TRIM36: variants seen among roughly 807,000 people sequenced by gnomAD.
The protein encoded by TRIM36 is tripartite motif containing 36.
In TRIM36, 42 loss-of-function variants were observed where a neutral mutation model predicts 72.4. The ratio of observed to expected loss-of-function variants is 0.58; its 90% CI spans 0.45 to 0.75. The LOEUF is 0.75. Ranked by LOEUF, TRIM36 falls within the 30% of genes least tolerant of loss-of-function variation. The pLI, the probability that TRIM36 is intolerant of heterozygous loss-of-function variation, is 0.00. For synonymous variants in TRIM36, 315 were observed against 282.8 expected (o/e 1.11, Z -1.14); for missense variants, 913 against 857.1 (o/e 1.07, Z -0.81).
chr5:115,141,170 A>T (rs1249679109), intron 5 of TRIM36, 109 bp downstream of exon 5: 7 of 772,616 alleles, frequency 9.1e-6, no homozygotes, highest in Non-Finnish European at 1.4e-5. Context: ...ATCTAACACA[A>T]CTTTGTATTC....
chr5:115,131,673 T>C (rs1391635489), intron 8 of TRIM36, among the ~76,000 whole-genome samples: 5 of 152,198 alleles, frequency 3.3e-5, no homozygotes, highest in African/African-American at 9.6e-5. Flanking sequence ...CATGGATAAA[T>C]TTGGATACAT....
At chr5:115,137,304 A>G in intron 6 of TRIM36, 59 bp downstream of exon 6, 1 of 1,549,134 alleles carries the variant, frequency 6.5e-7, no homozygotes, top group Non-Finnish European at 8.7e-7. Context: ...GTGAGAATAC[A>G]CAGCAGCATT....
intron 4 of TRIM36, among the ~76,000 whole-genome samples, chr5:115,143,690 A>C (rs1402826495): frequency 1.3e-5 from 2 of 152,234 alleles, no homozygotes; most frequent in Non-Finnish European, 2.9e-5. Flanking sequence ...CATACTGTTA[A>C]ACAGAGGAAA....
intron 8 of TRIM36, among the ~76,000 whole-genome samples, chr5:115,133,326 A>C (rs1990896): frequency 0.56 from 85,359 of 151,940 alleles, 24,329 homozygotes; most frequent in Middle Eastern, 0.64. Flanking sequence ...GGGGGCGATG[A>C]CTGGGCATAA....
At chr5:115,143,802 T>C (rs1484954010) in intron 4 of TRIM36, among the ~76,000 whole-genome samples, 2 of 152,224 alleles carry the variant, frequency 1.3e-5, no homozygotes, top group African/African-American at 4.8e-5. Context: ...GCTGCCTTTG[T>C]TGTTGATTAT....
At position 115,150,533 on chromosome 5, in the gene TRIM36, G is replaced by T. The variant is rs117634474; in HGVS notation, c.263-3139C>A. Among the ~76,000 whole-genome samples the T allele has an allele frequency of 7.4e-4, 113 of 152,294 alleles. 1 individual carries two copies. The East Asian group carries it at 0.02, about 27-fold the overall frequency. ...CAGAGGGATCATCACAAACTAGATT[G>T]AAGGACTATAACTAGAGGAAGGACT... On this transcript the variant is annotated intron_variant, in intron 2 of 9. Transcript: ENST00000513154.
intron 2 of TRIM36, among the ~76,000 whole-genome samples, chr5:115,158,961 C>T (rs1363047399): frequency 2.6e-5 from 4 of 152,136 alleles, no homozygotes; most frequent in Non-Finnish European, 5.9e-5. Flanking sequence ...AGTATTCTCC[C>T]ATGAAATAGA....
At chr5:115,141,227 G>A in intron 5 of TRIM36, 52 bp downstream of exon 5, 1 of 1,262,148 alleles carries the variant, frequency 7.9e-7, no homozygotes, top group Non-Finnish European at 1.1e-6. Context: ...ATGAATGAAT[G>A]TCTAGATAAA....
At chr5:115,139,855 G>C (rs1454389713) in intron 5 of TRIM36, among the ~76,000 whole-genome samples, 1 of 152,172 alleles carries the variant, frequency 6.6e-6, no homozygotes, top group Non-Finnish European at 1.5e-5. Context: ...TGACACCTAA[G>C]TTCCTCAATT....
At position 115,164,665 on chromosome 5, in the gene TRIM36, A is replaced by G. The variant is rs143923202; in HGVS notation, c.28-913T>C. ...TCTCCCTCAACACCTTGGGATTACA[A>G]TTCAAGATAAGATTTGAACCTAACC... On this transcript the variant is annotated intron_variant, in intron 1 of 9. Coordinates refer to ENST00000513154, the MANE Select transcript of TRIM36 (RefSeq NM_001300759.2). Among the ~76,000 whole-genome samples, 397 of 152,302 alleles carry G rather than the reference A, an allele frequency of 2.6e-3. 6 individuals are homozygous for G. The highest frequency in any genetic ancestry group is 9.2e-3 in the African/African-American group (383 of 41,556).
At chr5:115,149,324 G>A (rs1032901467) in intron 2 of TRIM36, 1 of 151,954 alleles carries the variant, frequency 6.6e-6, no homozygotes, top group Non-Finnish European at 1.5e-5. Flanking sequence ...ATGGTATGGT[G>A]CAGTGGTCAA....
Position 115,125,849 on chromosome 5 carries a change from C to T in TRIM36, c.*654G>A, listed in dbSNP as rs995757337. On this transcript the variant is annotated 3_prime_UTR_variant, in exon 10 of 10. Coordinates refer to ENST00000513154, the MANE Select transcript of TRIM36 (RefSeq NM_001300759.2). The stretch of plus-strand genomic sequence containing the variant: ...CCATGCTGTTAAATGAGTGTTATGG[C>T]TAAGCAGACTCTTAAAATGTCCTTA... The T allele has an allele frequency of 2.6e-5, 4 of 152,078 alleles. No individual in the cohort carries two copies. The highest frequency in any genetic ancestry group is 9.7e-5 in the African/African-American group (4 of 41,428). The allele number at this position is 152,078 out of a possible 1,614,324, so 9.4% of individuals were successfully genotyped here. A position where few individuals can be genotyped will look rare whatever the true frequency, so the allele number is the denominator to read the frequency against.
At chr5:115,144,544 G>A in intron 4 of TRIM36, 54 bp downstream of exon 4, 1 of 1,602,222 alleles carries the variant, frequency 6.2e-7, no homozygotes. Context: ...AAAAGTTAAA[G>A]GCATAAAGTA....
chr5:115,176,129 AAAAAAT>A (rs963496015), intron 1 of TRIM36, among the ~76,000 whole-genome samples: 5 of 152,212 alleles, frequency 3.3e-5, no homozygotes, highest in Admixed American at 6.5e-5. Flanking sequence ...GTGTCTCAAA[AAAAAAT>A]AAAAATAAAA....
chr5:115,173,522 A>ATGTGTGTGTG (rs57515389), upstream of TRIM36, among the ~76,000 whole-genome samples: 3 of 148,412 alleles, frequency 2.0e-5, no homozygotes, highest in African/African-American at 7.4e-5. Flanking sequence ...GTGTATTTGA[A>ATGTGTGTGTG]TGTGTGTGTG....
Position 115,125,517 on chromosome 5 carries a change from C to T in TRIM36, c.*986G>A, listed in dbSNP as rs1042750599. 5 of 151,944 alleles carry T rather than the reference C, an allele frequency of 3.3e-5. No individual in the cohort carries two copies. The highest frequency in any genetic ancestry group is 1.9e-4 in the East Asian group (1 of 5,192). The allele number at this position is 151,944 out of a possible 1,614,324, so 9.4% of individuals were successfully genotyped here. On this transcript the variant is annotated 3_prime_UTR_variant, in exon 10 of 10. Transcript: ENST00000513154. The stretch of plus-strand genomic sequence containing the variant: ...TTACAAAAATTTATAATATATGTAA[C>T]GCTACTAAAATATATAATGAACTTT...
In TRIM36 at chr5:115,136,994, A is replaced by C; in HGVS notation, c.1210+6T>G. 6.3e-7 allele frequency: 1 copy of C among 1,584,802 alleles called. No individual in the cohort carries two copies. Among genetic ancestry groups the C allele is most frequent in the Non-Finnish European group, 8.6e-7 (1 of 1,169,208 alleles). On this transcript the variant is annotated splice_donor_region_variant and intron_variant, in intron 7 of 9. Transcript: ENST00000513154. ...GAATGAGGTTTTTGCCTTCATTAAG[A>C]CTTACCACTAGAGAAAAAGGATAAT...
Position 115,161,202 on chromosome 5 carries a change from A to G in TRIM36, c.262+2316T>C, listed in dbSNP as rs368493802. On this transcript the variant is annotated intron_variant, in intron 2 of 9. Coordinates refer to ENST00000513154, the MANE Select transcript of TRIM36 (RefSeq NM_001300759.2). ...CTAAGGGGTATGTGTCTTTAAAAAA[A>G]AAAAGAAAAGAAAGTGGGTCTATCT... Among the ~76,000 whole-genome samples the G allele has an allele frequency of 1.3e-3, 201 of 152,242 alleles. 2 individuals are homozygous for G. Among genetic ancestry groups the G allele is most frequent in the African/African-American group, 4.5e-3 (189 of 41,540 alleles).
At chr5:115,152,069 T>A (rs1000468233) in intron 2 of TRIM36, among the ~76,000 whole-genome samples, 2 of 151,848 alleles carry the variant, frequency 1.3e-5, no homozygotes, top group Non-Finnish European at 2.9e-5. Context: ...ACTAAGCTAA[T>A]CGAGGAGACA....
Sources: gnomAD v4.1 joint callset for allele counts (sites outside exome capture counted in the v4.1 genomes callset) on GRCh38, gnomAD v4.1.1 for gene constraint, MANE v1.5 for transcripts, NCBI Gene and HGNC (gene_info 2026-07-23, HGNC 2026-07-21) for gene names.